Variants in LLGL2 observed in about 807,000 individuals in gnomAD.
LLGL2 encodes LLGL2, scribble cell polarity complex component.
LLGL2 carries 81 observed loss-of-function variants against 123.2 expected under a neutral mutation model. The observed-to-expected ratio is 0.66, with a 90% CI of 0.55 to 0.79. LLGL2 has a LOEUF of 0.79. LLGL2 is among the 30% of genes least tolerant of loss of function. LLGL2 has a pLI of 0.00. For synonymous variants in LLGL2, 577 were observed against 594.1 expected, an observed-to-expected ratio of 0.97 and a Z score of 0.42; for missense variants, 1,273 against 1,414.6, an observed-to-expected ratio of 0.90 and a Z score of 1.61.
At chr17:75,527,120 G>A (rs1031102452) in intron 1 of LLGL2, among the ~76,000 whole-genome samples, 25 of 148,756 alleles carry the variant, frequency 1.7e-4, no homozygotes, top group Non-Finnish European at 1.9e-4. Context: ...AGTGAGTCAT[G>A]ATGGCGCCAC....
chr17:75,570,971 G>C lies in LLGL2; in HGVS notation c.2047G>C (p.Ala683Pro), dbSNP rs572323451. 2 of 1,611,576 alleles carry C rather than the reference G, an allele frequency of 1.2e-6. No individual in the cohort carries two copies. Among genetic ancestry groups the C allele is most frequent in the Non-Finnish European group, 1.7e-6 (2 of 1,179,216 alleles). ...GCAGGCACAGGAGGGGAGTGCCAAG[G>C]CTGAGCGGCCAGGCCTCCAGAACAT... ...PGEAQEGSAKAERPGLQNMEL... is the reference protein window; with the variant it reads ...PGEAQEGSAKPERPGLQNMEL... The change falls in exon 17 of 26, where the codon GCT (alanine) becomes CCT (proline). Residue 683 changes from alanine (A) to proline (P), a missense_variant. Transcript: ENST00000392550.
intron 1 of LLGL2, among the ~76,000 whole-genome samples, chr17:75,535,072 G>C (rs1356651021): frequency 6.6e-6 from 1 of 152,216 alleles, no homozygotes; most frequent in Non-Finnish European, 1.5e-5. Flanking sequence ...GCTTCTGGGA[G>C]ACTGGGCTTC....
rs2147031808 is a variant in LLGL2, at chr17:75,525,940, T to A, written c.-31+115T>A. ...GGCTGTCGGGCCAGGGCGGGAGGGC[T>A]GCGCCCAGGTCCGCGCGCCTCGCCC... is the stretch of plus-strand genomic sequence containing the variant. On this transcript the variant is annotated intron_variant, in intron 1 of 25. Coordinates refer to ENST00000392550, the MANE Select transcript of LLGL2 (RefSeq NM_001031803.2). The surrounding 1 kb of genome is among the most constrained non-coding windows in gnomAD (Gnocchi z 4.8). 1 of 152,188 alleles carries A rather than the reference T, an allele frequency of 6.6e-6. No individual in the cohort carries two copies. Among genetic ancestry groups the A allele is most frequent in the East Asian group, 1.9e-4 (1 of 5,150 alleles). 9.4% of individuals were successfully genotyped at this position (152,188 alleles called of 1,614,324 possible).
chr17:75,537,808 C>G (rs1304921663), intron 1 of LLGL2, among the ~76,000 whole-genome samples: 1 of 139,718 alleles, frequency 7.2e-6, no homozygotes, highest in East Asian at 2.0e-4. Context: ...TGGAAGGTGA[C>G]CTTTTTTTTT....
rs1300436271 is a variant in LLGL2 at position 75,575,009 on chromosome 17, G to A, written c.*131G>A. On this transcript the variant is annotated 3_prime_UTR_variant, in exon 26 of 26. Coordinates refer to ENST00000392550, the MANE Select transcript of LLGL2 (RefSeq NM_001031803.2). ...CTGGGGGCATCCCGGCTTCCACAAT[G>A]CAGCTGCTCTGGGCCTCGGGAGAGG... 6.8e-6 allele frequency: 9 copies of A among 1,317,758 alleles called. No homozygotes were observed. The highest frequency in any genetic ancestry group is 7.7e-6 in the Non-Finnish European group (7 of 913,442). 81.6% of individuals were successfully genotyped at this position (1,317,758 alleles called of 1,614,324 possible). A position where few individuals can be genotyped will look rare whatever the true frequency, so the allele number is the denominator to read the frequency against.
At chr17:75,561,465 C>T (rs545953608) in intron 6 of LLGL2, among the ~76,000 whole-genome samples, 95 of 151,824 alleles carry the variant, frequency 6.3e-4, no homozygotes, top group African/African-American at 2.1e-3. Context: ...TCTCTCCTCA[C>T]AAAAAATAAA....
intron 25 of LLGL2, 93 bp downstream of exon 25, chr17:75,574,761 T>G: frequency 6.3e-7 from 1 of 1,590,216 alleles, no homozygotes; most frequent in South Asian, 1.1e-5. Flanking sequence ...CCCACGGGGC[T>G]GACACGTGCC....
intron 2 of LLGL2, among the ~76,000 whole-genome samples, chr17:75,555,764 G>A (rs1485262258): frequency 1.3e-5 from 2 of 152,198 alleles, no homozygotes; most frequent in Non-Finnish European, 2.9e-5. Context: ...TGCACGTGGT[G>A]GAGGCACCGA....
rs56656168 is a variant in LLGL2 at position 75,541,715 on chromosome 17, C to CTTTTT, written c.-30-1655_-30-1651dup. Among the ~76,000 whole-genome samples, 54 of 31,550 alleles carry CTTTTT rather than the reference C, an allele frequency of 1.7e-3. 1 individual carries two copies. Among genetic ancestry groups the CTTTTT allele is most frequent in the Non-Finnish European group, 2.2e-3 (41 of 18,626 alleles). 20.7% of individuals were successfully genotyped at this position (31,550 alleles called of 152,430 possible). A position where few individuals can be genotyped will look rare whatever the true frequency, so the allele number is the denominator to read the frequency against. On this transcript the variant is annotated intron_variant, in intron 1 of 25. Coordinates refer to ENST00000392550, the MANE Select transcript of LLGL2 (RefSeq NM_001031803.2). ...TTCACTCAAGGGGGATGTGGCTCTG[C>CTTTTT]TTTTTTTTTTTTTTTTTTTTTTTTT...
Position 75,570,062 on chromosome 17 carries a change from C to T in LLGL2, c.1681C>T (p.His561Tyr). The T allele has an allele frequency of 6.2e-7, 1 of 1,612,028 alleles. No individual in the cohort carries two copies. Among genetic ancestry groups the T allele is most frequent in the Non-Finnish European group, 8.5e-7 (1 of 1,179,680 alleles). Reference sequence around the variant, plus strand: ...CCAAGAGGGCTACCGCTGGAAGGGGCACGAGCGCCTGGCAGCCCGCTCAGG... The same window carrying T: ...CCAAGAGGGCTACCGCTGGAAGGGGTACGAGCGCCTGGCAGCCCGCTCAGG... Reference protein sequence around the residue: ...QDQEGYRWKGHERLAARSGPV... With the variant: ...QDQEGYRWKGYERLAARSGPV... The change falls in exon 15 of 26, where the codon CAC (histidine) becomes TAC (tyrosine). Residue 561 changes from histidine to tyrosine, a missense_variant. Coordinates refer to ENST00000392550, the MANE Select transcript of LLGL2 (RefSeq NM_001031803.2).
chr17:75,541,453 G>A (rs1048677973), intron 1 of LLGL2, among the ~76,000 whole-genome samples: 3 of 152,192 alleles, frequency 2.0e-5, no homozygotes, highest in African/African-American at 7.2e-5. Flanking sequence ...GGCTTTCCCA[G>A]CCGGTGCCTG....
At position 75,571,776 on chromosome 17, in the gene LLGL2, A is replaced by G. The variant is rs1427376384; in HGVS notation, c.2286A>G (p.Ala762=). Residue 762 remains alanine (A), a synonymous_variant, in exon 18 of 26, where the codon GCA becomes GCG. Coordinates refer to ENST00000392550, the MANE Select transcript of LLGL2 (RefSeq NM_001031803.2). Reference sequence around the variant, plus strand: ...GGAGAATGGATGAGCCTGTGCGGGCAGAGCAGGGTGAGTGCTGGGCAGGGA... The same window carrying G: ...GGAGAATGGATGAGCCTGTGCGGGCGGAGCAGGGTGAGTGCTGGGCAGGGA... ...AERRMDEPVR[A]EQAKEIQLMH... is the part of the protein sequence containing the mutation. 5 of 1,607,248 alleles carry G rather than the reference A, an allele frequency of 3.1e-6. No homozygotes were observed. Among genetic ancestry groups the G allele is most frequent in the Middle Eastern group, 3.3e-4 (2 of 6,010 alleles).
chr17:75,569,663 C>G (rs1015249865), intron 14 of LLGL2, among the ~76,000 whole-genome samples: 4 of 152,014 alleles, frequency 2.6e-5, no homozygotes, highest in Admixed American at 2.0e-4. Context: ...ATTAGCCAGG[C>G]ATTTGTGGCT....
intron 2 of LLGL2, among the ~76,000 whole-genome samples, chr17:75,554,411 A>G (rs914450311): frequency 1.3e-5 from 2 of 151,840 alleles, no homozygotes; most frequent in African/African-American, 4.8e-5. Context: ...TAGAAGGTTA[A>G]GACCAGGCTG....
At position 75,564,312 on chromosome 17, in the gene LLGL2, C is replaced by T; in HGVS notation, c.882-41C>T. The T allele has an allele frequency of 6.4e-7, 1 of 1,567,962 alleles. No homozygotes were observed. Among genetic ancestry groups the T allele is most frequent in the Non-Finnish European group, 8.6e-7 (1 of 1,158,826 alleles). On this transcript the variant is annotated intron_variant, in intron 9 of 25. Coordinates refer to ENST00000392550, the MANE Select transcript of LLGL2 (RefSeq NM_001031803.2). The surrounding 1 kb of genome is among the most constrained non-coding windows in gnomAD (Gnocchi z 4.9). ...CCGGCCTGTGGCTGTTGAGGCTGTGCCAGGAGCCCCAGCCCACTGCCGCTC... is the reference window on the plus strand; with the variant it reads ...CCGGCCTGTGGCTGTTGAGGCTGTGTCAGGAGCCCCAGCCCACTGCCGCTC...
rs761472288 is a variant in LLGL2 at position 75,571,064 on chromosome 17, C to T, written c.2140C>T (p.Arg714Trp). The part of the protein sequence containing the change: ...SAEDSFTGFV[R>W]TLYFADTYLK... ...AGAGGACTCCTTCACAGGCTTCGTC[C>T]GGACCCTGTACTTTGCTGACACCTA... Residue 714 changes from arginine to tryptophan, a missense_variant, in exon 17 of 26, where the codon CGG (arginine) becomes TGG (tryptophan). Coordinates refer to ENST00000392550, the MANE Select transcript of LLGL2 (RefSeq NM_001031803.2). 1.1e-5 allele frequency: 18 copies of T among 1,612,440 alleles called. No individual in the cohort carries two copies. The highest frequency in any genetic ancestry group is 3.3e-5 in the South Asian group (3 of 91,064).
In LLGL2 at chr17:75,558,213, C is replaced by G. The variant is rs140931096; in HGVS notation, c.232C>G (p.Gln78Glu). The G allele has an allele frequency of 3.1e-6, 5 of 1,613,330 alleles. No individual in the cohort carries two copies. Among genetic ancestry groups the G allele is most frequent in the Non-Finnish European group, 3.4e-6 (4 of 1,179,824 alleles). Residue 78 changes from glutamine (Q) to glutamate (E), a missense_variant, in exon 4 of 26, where the codon CAG becomes GAG. Transcript: ENST00000392550. This position sits in a 1 kb window ranked among gnomAD's most constrained non-coding sequence, Gnocchi z 4.0. ...GLHQENNAVTQIHLLPGQCQL... is the reference protein window; with the variant it reads ...GLHQENNAVTEIHLLPGQCQL... The stretch of plus-strand genomic sequence containing the variant: ...GCACCAGGAGAACAACGCTGTGACG[C>G]AGATCCACCTCCTGCCCGGCCAGGT...
rs192999122 is a variant in LLGL2 at position 75,528,298 on chromosome 17, G to A, written c.-31+2473G>A. Reference sequence around the variant, plus strand: ...GCCCGGCTAATTTTTTGTATTTTTAGTAGAGATGGGGTTTCACTGTGTTAG... The same window carrying A: ...GCCCGGCTAATTTTTTGTATTTTTAATAGAGATGGGGTTTCACTGTGTTAG... On this transcript the variant is annotated intron_variant, in intron 1 of 25. Coordinates refer to ENST00000392550, the MANE Select transcript of LLGL2 (RefSeq NM_001031803.2). Among the ~76,000 whole-genome samples the A allele has an allele frequency of 8.9e-4, 135 of 152,056 alleles. 1 individual carries two copies. The Middle Eastern group carries it at 0.014, about 15-fold the overall frequency.
Position 75,558,628 on chromosome 17 carries a change from G to C in LLGL2, c.371+1G>C. 6.3e-7 allele frequency: 1 copy of C among 1,594,512 alleles called. No homozygotes were observed. Among genetic ancestry groups the C allele is most frequent in the Non-Finnish European group, 8.5e-7 (1 of 1,170,642 alleles). On this transcript the variant is annotated splice_donor_variant, in intron 5 of 25. Transcript: ENST00000392550. LOFTEE classifies it high-confidence loss of function. The surrounding 1 kb of genome is among the most constrained non-coding windows in gnomAD (Gnocchi z 4.0). ...GCTTCACACTGCGTGGACCCCCAGG[G>C]TAAGGGCTCAATCCCCAGCCCCTTC...
Sources: allele counts gnomAD v4.1 joint callset (sites outside exome capture counted in the v4.1 genomes callset), GRCh38; gene constraint gnomAD v4.1.1; non-coding constraint Gnocchi (gnomAD v3.1); transcripts MANE v1.5; gene names NCBI Gene and HGNC (gene_info 2026-07-23, HGNC 2026-07-21).